The following BTRC variants were observed in gnomAD, a reference collection of about 807,000 sequenced individuals.
BTRC encodes the protein beta-transducin repeat containing E3 ubiquitin protein ligase, also known as F-box/WD repeat-containing protein 1A.
Under a neutral mutation model 85.5 loss-of-function variants are expected in BTRC, and 42 were observed. The ratio of observed to expected loss-of-function variants is 0.49; its 90% CI spans 0.38 to 0.64. BTRC has a LOEUF of 0.64. Among genes scored for constraint, BTRC ranks in the 30% least tolerant of loss-of-function variants. BTRC has a pLI of 0.00. For missense variants in BTRC, 594 were observed against 743.5 expected (o/e 0.80, Z 2.34); for synonymous variants, 255 against 263.3 (o/e 0.97, Z 0.30).
chr10:101,502,239 T>C (rs1946415469), intron 4 of BTRC, among the ~76,000 whole-genome samples: 1 of 152,170 alleles, frequency 6.6e-6, no homozygotes, highest in Non-Finnish European at 1.5e-5. Flanking sequence ...GGATGTTAGC[T>C]CTTTGGTAGA....
At chr10:101,354,070 A>T (rs1941954758), upstream of BTRC, 1 of 1,312,238 alleles carries the variant, frequency 7.6e-7, no homozygotes, top group East Asian at 2.6e-5. Context: ...CTGAGAGGTA[A>T]GAGAGGGCGG....
At chr10:101,501,350 C>A (rs1946397044) in intron 4 of BTRC, among the ~76,000 whole-genome samples, 2 of 152,202 alleles carry the variant, frequency 1.3e-5, no homozygotes, top group South Asian at 4.1e-4. Context: ...GACTGAGCTT[C>A]AGATAATCCC....
intron 1 of BTRC, among the ~76,000 whole-genome samples, chr10:101,356,234 C>G (rs1050808410): frequency 6.6e-6 from 1 of 152,120 alleles, no homozygotes; most frequent in Non-Finnish European, 1.5e-5. Flanking sequence ...CTCCTGACCT[C>G]GTGATCCGCC....
At chr10:101,437,453 T>TTA (rs1447810323) in intron 2 of BTRC, among the ~76,000 whole-genome samples, 1 of 152,210 alleles carries the variant, frequency 6.6e-6, no homozygotes, top group Non-Finnish European at 1.5e-5. Flanking sequence ...TGGTTTCATT[T>TTA]TTAAGTATTT....
chr10:101,415,495 TG>T (rs1943912229), intron 1 of BTRC, among the ~76,000 whole-genome samples: 2 of 5,068 alleles, frequency 3.9e-4, no homozygotes, highest in Non-Finnish European at 1.9e-3. Flanking sequence ...TTTTATGTTA[TG>T]TTATGTTATG....
chr10:101,357,128 CA>C (rs1942058558), intron 1 of BTRC, among the ~76,000 whole-genome samples: 1 of 148,702 alleles, frequency 6.7e-6, no homozygotes, highest in Non-Finnish European at 1.5e-5. Context: ...GACTCCGTCT[CA>C]AAAAAACAAA....
At chr10:101,547,090 A>G (rs1368942671) in intron 13 of BTRC, among the ~76,000 whole-genome samples, 1 of 152,220 alleles carries the variant, frequency 6.6e-6, no homozygotes, top group Non-Finnish European at 1.5e-5. Context: ...TGGCTAAGCT[A>G]TGAAGTTCAA....
chr10:101,422,647 A>C (rs1360031640), intron 1 of BTRC, among the ~76,000 whole-genome samples: 1 of 152,208 alleles, frequency 6.6e-6, no homozygotes, highest in African/African-American at 2.4e-5. Flanking sequence ...ATTTTTGTGT[A>C]AGGTGTAAGG....
chr10:101,552,178 CATTTT>C (rs1197871533), intron 14 of BTRC, among the ~76,000 whole-genome samples: 23 of 150,408 alleles, frequency 1.5e-4, no homozygotes, highest in African/African-American at 4.6e-4. Flanking sequence ...TATTTTATTT[CATTTT>C]ATTTTATTTT....
At chr10:101,471,303 G>T (rs1218489401) in intron 3 of BTRC, among the ~76,000 whole-genome samples, 1 of 152,076 alleles carries the variant, frequency 6.6e-6, no homozygotes, top group Non-Finnish European at 1.5e-5. Flanking sequence ...TGGGAGGATC[G>T]CTGGAGCCCA....
chr10:101,523,865 T>G (rs2062154493), intron 5 of BTRC, among the ~76,000 whole-genome samples: 1 of 152,192 alleles, frequency 6.6e-6, no homozygotes, highest in South Asian at 2.1e-4. Context: ...TTAGGTAGTT[T>G]CAAAATTTTT....
At chr10:101,362,107 C>G (rs1282553351) in intron 1 of BTRC, among the ~76,000 whole-genome samples, 1 of 149,088 alleles carries the variant, frequency 6.7e-6, no homozygotes, top group Admixed American at 6.7e-5. Context: ...ATTACAGGCA[C>G]GTACCACCAC....
intron 1 of BTRC, among the ~76,000 whole-genome samples, chr10:101,366,455 A>G (rs1457813141): frequency 2.6e-5 from 4 of 152,224 alleles, no homozygotes; most frequent in South Asian, 2.1e-4. Flanking sequence ...ACAAAGAGCT[A>G]TAGAATTTAA....
At chr10:101,537,901 C>T (rs1192949904) in intron 12 of BTRC, among the ~76,000 whole-genome samples, 1 of 152,184 alleles carries the variant, frequency 6.6e-6, no homozygotes, top group Non-Finnish European at 1.5e-5. Flanking sequence ...GGAAGAGCTA[C>T]ACTTATCTTA....
chr10:101,366,928 TTATATATATTTATA>T lies in BTRC; in HGVS notation c.48+12706_48+12719del, dbSNP rs1261659467. ...TATATTAATATATATTTATATATAT[TTATATATATTTATA>T]TATATTTATATATATATTTATATAA... is the stretch of plus-strand genomic sequence containing the variant. On this transcript the variant is annotated intron_variant, in intron 1 of 14. Coordinates refer to ENST00000370187, the MANE Select transcript of BTRC (RefSeq NM_033637.4). Among the ~76,000 whole-genome samples, 2 of 13,604 alleles carry T rather than the reference TTATATATATTTATA, an allele frequency of 1.5e-4. 1 individual carries two copies. The highest frequency in any genetic ancestry group is 2.4e-4 in the Non-Finnish European group (2 of 8,358). The allele number at this position is 13,604 out of a possible 152,430, so 8.9% of individuals were successfully genotyped here. A position where few individuals can be genotyped will look rare whatever the true frequency, so the allele number is the denominator to read the frequency against.
chr10:101,484,177 T>C (rs1195470354), intron 4 of BTRC, among the ~76,000 whole-genome samples: 4 of 152,244 alleles, frequency 2.6e-5, no homozygotes, highest in Non-Finnish European at 5.9e-5. Flanking sequence ...TATTTGAGAC[T>C]AATAATCTGT....
At chr10:101,401,382 G>A (rs1250381594) in intron 1 of BTRC, among the ~76,000 whole-genome samples, 1 of 152,090 alleles carries the variant, frequency 6.6e-6, no homozygotes, top group Non-Finnish European at 1.5e-5. Flanking sequence ...GTCAAGGGGA[G>A]AATAAAGATA....
intron 2 of BTRC, among the ~76,000 whole-genome samples, chr10:101,450,596 A>G (rs1944933825): frequency 6.6e-6 from 1 of 152,134 alleles, no homozygotes; most frequent in African/African-American, 2.4e-5. Context: ...AAAACATTTG[A>G]TCTCTTACAT....
At chr10:101,486,805 A>G (rs1207715477) in intron 4 of BTRC, among the ~76,000 whole-genome samples, 4 of 152,184 alleles carry the variant, frequency 2.6e-5, no homozygotes, top group Non-Finnish European at 4.4e-5. Flanking sequence ...CTTTATGACC[A>G]GGACAAATCT....
Sources: gnomAD v4.1 joint callset for allele counts (sites outside exome capture counted in the v4.1 genomes callset) on GRCh38, gnomAD v4.1.1 for gene constraint, MANE v1.5 for transcripts, NCBI Gene and HGNC (gene_info 2026-07-23, HGNC 2026-07-21) for gene names.